DMD: variants seen among roughly 807,000 people sequenced by gnomAD.
DMD encodes mutant dystrophin.
In DMD, 63 loss-of-function variants were observed where a neutral mutation model predicts 330.1. That is an observed-to-expected ratio of 0.19 (90% CI 0.16 to 0.24). The LOEUF (loss-of-function observed/expected upper bound fraction) is 0.24, where lower values mean the gene tolerates loss of function less well. Among genes scored for constraint, DMD ranks in the 10% least tolerant of loss-of-function variants. The pLI is 1.00. For synonymous variants in DMD, 1,223 were observed against 959.8 expected, an observed-to-expected ratio of 1.27 and a Z score of -5.07; for missense variants, 3,344 against 2,684.1, an observed-to-expected ratio of 1.25 and a Z score of -5.43.
At chrX:31,373,027 T>C (rs1379136678) in intron 60 of DMD, among the ~76,000 whole-genome samples, 4 of 110,705 alleles carry the variant, frequency 3.6e-5, no homozygotes, top group East Asian at 2.8e-4. Context: ...TATACACCAA[T>C]AACAGACAGA....
chrX:32,591,534 T>A (rs920207425), intron 13 of DMD, among the ~76,000 whole-genome samples: 2 of 112,222 alleles, frequency 1.8e-5, no homozygotes, highest in Non-Finnish European at 3.8e-5. Flanking sequence ...AACCACGCTC[T>A]CTTGATTTAC....
At chrX:32,637,809 C>A (rs965111790) in intron 11 of DMD, among the ~76,000 whole-genome samples, 1 of 111,526 alleles carries the variant, frequency 9.0e-6, no homozygotes, top group African/African-American at 3.3e-5. Context: ...GGGTTACACT[C>A]CCATGATTCA....
chrX:31,965,846 A>G (rs186860017), intron 45 of DMD, among the ~76,000 whole-genome samples: 3 of 112,120 alleles, frequency 2.7e-5, no homozygotes, highest in Non-Finnish European at 5.6e-5. Flanking sequence ...CTGCATCGCT[A>G]ACTGACTACA....
chrX:31,488,419 A>G lies in DMD; in HGVS notation c.8547+8369T>C, dbSNP rs142668245. Among the ~76,000 whole-genome samples the G allele has an allele frequency of 8.8e-3, 988 of 112,090 alleles. 8 individuals carry two copies. The highest frequency in any genetic ancestry group is 0.03 in the African/African-American group (926 of 30,605). On this transcript the variant is annotated intron_variant, in intron 57 of 78. Transcript: ENST00000357033. The stretch of plus-strand genomic sequence containing the variant: ...GAGCCAAAATTTGAGATTGTCAAGT[A>G]TAAGTGGTAAATAATATCTGAATCA...
intron 60 of DMD, among the ~76,000 whole-genome samples, chrX:31,385,420 T>C (rs2060401051): frequency 8.9e-6 from 1 of 111,888 alleles, no homozygotes; most frequent in African/African-American, 3.2e-5. Context: ...AATGTTTAAG[T>C]GGTAAGCATC....
At chrX:32,635,066 T>G (rs906019323) in intron 11 of DMD, among the ~76,000 whole-genome samples, 11 of 111,860 alleles carry the variant, frequency 9.8e-5, no homozygotes, top group Non-Finnish European at 2.1e-4. Context: ...ATCTAAATGC[T>G]CCCTCTGCGG....
At chrX:33,221,701 G>A (rs969028031) in intron 1 of DMD, among the ~76,000 whole-genome samples, 15 of 109,375 alleles carry the variant, frequency 1.4e-4, no homozygotes, top group East Asian at 5.7e-4. Flanking sequence ...TACAGGCCTG[G>A]AAAATACAAA....
chrX:31,454,105 A>G (rs1335825682), intron 59 of DMD, among the ~76,000 whole-genome samples: 2 of 112,311 alleles, frequency 1.8e-5, no homozygotes, highest in East Asian at 5.5e-4. Flanking sequence ...GAGGATGTTT[A>G]TCTTCAAATT....
At chrX:31,330,613 T>C (rs1380037269) in intron 61 of DMD, among the ~76,000 whole-genome samples, 1 of 112,361 alleles carries the variant, frequency 8.9e-6, no homozygotes, top group African/African-American at 3.2e-5. Context: ...TAACCCAGCC[T>C]ATTCAGTTCA....
chrX:31,205,768 G>GTC (rs2044003492), intron 66 of DMD, among the ~76,000 whole-genome samples: 1 of 112,791 alleles, frequency 8.9e-6, no homozygotes, highest in African/African-American at 3.2e-5. Context: ...AGGAGACAGA[G>GTC]TGGCTTTTAT....
chrX:31,208,781 A>C (rs758934730), intron 65 of DMD, among the ~76,000 whole-genome samples: 1 of 110,745 alleles, frequency 9.0e-6, no homozygotes, highest in African/African-American at 3.3e-5. Context: ...TTTGAGATCT[A>C]AGAAGAATTT....
At chrX:31,606,648 A>G (rs1191638679) in intron 55 of DMD, among the ~76,000 whole-genome samples, 1 of 112,078 alleles carries the variant, frequency 8.9e-6, no homozygotes, top group Non-Finnish European at 1.9e-5. Flanking sequence ...TTTCTAGTTA[A>G]TGATCTAAGG....
intron 44 of DMD, among the ~76,000 whole-genome samples, chrX:32,077,233 G>C (rs188940286): frequency 7.2e-4 from 80 of 110,874 alleles, no homozygotes; most frequent in African/African-American, 2.6e-3. Flanking sequence ...TGGTTAAAGG[G>C]ATGTGTTCAG....
intron 1 of DMD, among the ~76,000 whole-genome samples, chrX:33,167,612 T>G (rs139388221): frequency 1.0e-3 from 111 of 111,356 alleles, no homozygotes; most frequent in African/African-American, 3.4e-3. Context: ...ACTGTTAAAA[T>G]GTGTGTGGCA....
chrX:32,853,936 ACAT>A (rs944792141), intron 2 of DMD, among the ~76,000 whole-genome samples: 1 of 111,719 alleles, frequency 9.0e-6, no homozygotes, highest in Admixed American at 9.5e-5. Flanking sequence ...AGCTATTCTT[ACAT>A]CAAACAAAAT....
intron 30 of DMD, among the ~76,000 whole-genome samples, chrX:32,403,185 T>C (rs1300802565): frequency 1.8e-5 from 2 of 112,104 alleles, no homozygotes; most frequent in Non-Finnish European, 3.8e-5. Flanking sequence ...AAGTGTTATC[T>C]GGCTGTGCAT....
At chrX:32,931,347 G>A (rs1197903559) in intron 2 of DMD, among the ~76,000 whole-genome samples, 4 of 111,371 alleles carry the variant, frequency 3.6e-5, no homozygotes, top group East Asian at 5.6e-4. Context: ...GGGAGAGTGC[G>A]TGGTTACTGT....
intron 1 of DMD, among the ~76,000 whole-genome samples, chrX:33,224,197 T>C (rs1416773092): frequency 3.6e-5 from 4 of 112,182 alleles, no homozygotes; most frequent in African/African-American, 6.5e-5. Flanking sequence ...CTAAACATAC[T>C]CTTGCTATAT....
intron 43 of DMD, among the ~76,000 whole-genome samples, chrX:32,235,726 G>C (rs1406761759): frequency 1.8e-5 from 2 of 110,997 alleles, no homozygotes; most frequent in East Asian, 5.7e-4. Context: ...AATAAAAGTG[G>C]CCTTCACTTT....
Sources: gnomAD v4.1 joint callset for allele counts (sites outside exome capture counted in the v4.1 genomes callset) on GRCh38, gnomAD v4.1.1 for gene constraint, MANE v1.5 for transcripts, NCBI Gene and HGNC (gene_info 2026-07-23, HGNC 2026-07-21) for gene names.